The following KLHL12 variants were observed in gnomAD, a reference collection of about 807,000 sequenced individuals.
The protein encoded by KLHL12 is kelch-like protein 12.
KLHL12 carries 17 observed loss-of-function variants against 60.8 expected under a neutral mutation model. The ratio of observed to expected loss-of-function variants is 0.28; its 90% CI spans 0.19 to 0.42. KLHL12 has a LOEUF of 0.42. KLHL12 is among the 10% of genes least tolerant of loss of function. KLHL12 has a pLI of 1.00. For missense variants in KLHL12, 468 were observed against 722.3 expected (o/e 0.65, Z 4.04); for synonymous variants, 220 against 250.9 (o/e 0.88, Z 1.16).
At chr1:202,900,166 G>A (rs564097105) in intron 6 of KLHL12, among the ~76,000 whole-genome samples, 1 of 151,950 alleles carries the variant, frequency 6.6e-6, no homozygotes, top group African/African-American at 2.4e-5. Context: ...AAATTTTAAA[G>A]TTTTCTATTG....
intron 4 of KLHL12, 150 bp downstream of exon 4, chr1:202,918,021 A>G (rs1660574630): frequency 1.5e-6 from 1 of 648,660 alleles, no homozygotes; most frequent in Non-Finnish European, 2.7e-6. Context: ...TAAAAATGCA[A>G]ATAAATTTGG....
intron 4 of KLHL12, among the ~76,000 whole-genome samples, chr1:202,913,690 G>A (rs1660433320): frequency 6.6e-6 from 1 of 152,178 alleles, no homozygotes; most frequent in African/African-American, 2.4e-5. Flanking sequence ...AGGCAAGGAA[G>A]GCCTCCCGGA....
chr1:202,927,556 G>T (rs1243909222), upstream of KLHL12, among the ~76,000 whole-genome samples: 2 of 137,206 alleles, frequency 1.5e-5, no homozygotes, highest in African/African-American at 5.4e-5. Context: ...CCCGCACCGC[G>T]CCTGTAGTCC....
chr1:202,896,983 G>C (rs1482008139), intron 6 of KLHL12, 23 bp from the exon 7 acceptor site: 1 of 1,588,520 alleles, frequency 6.3e-7, no homozygotes, highest in Middle Eastern at 1.7e-4. Flanking sequence ...GCAGAAAAAA[G>C]ATGGGTTAGT....
chr1:202,899,081 G>A (rs1489439401), intron 6 of KLHL12, among the ~76,000 whole-genome samples: 2 of 151,676 alleles, frequency 1.3e-5, no homozygotes, highest in Non-Finnish European at 2.9e-5. Flanking sequence ...GGGAGGCCAA[G>A]GCTGGCAGAT....
intron 2 of KLHL12, among the ~76,000 whole-genome samples, chr1:202,921,322 A>C (rs2102456624): frequency 6.6e-6 from 1 of 152,058 alleles, no homozygotes; most frequent in Non-Finnish European, 1.5e-5. Context: ...CTACAGGCAC[A>C]TGCCACCATG....
At chr1:202,926,275 A>G (rs1218634347) in intron 1 of KLHL12, among the ~76,000 whole-genome samples, 2 of 152,236 alleles carry the variant, frequency 1.3e-5, no homozygotes, top group Non-Finnish European at 2.9e-5. Context: ...TAAAGAATCG[A>G]TATTGGAATC....
Position 202,892,221 on chromosome 1 carries a change from T to C in KLHL12, c.*312A>G, listed in dbSNP as rs1323633101. 2 of 300,618 alleles carry C rather than the reference T, an allele frequency of 6.7e-6. No homozygotes were observed. Among genetic ancestry groups the C allele is most frequent in the Non-Finnish European group, 1.3e-5 (2 of 157,034 alleles). 18.6% of individuals were successfully genotyped at this position (300,618 alleles called of 1,614,324 possible). Reference sequence around the variant, plus strand: ...CAACATATGAGGCACAACATACATATAGTACACCAAGCATGTGGTAAGTTA... The same window carrying C: ...CAACATATGAGGCACAACATACATACAGTACACCAAGCATGTGGTAAGTTA... On this transcript the variant is annotated 3_prime_UTR_variant, in exon 12 of 12. Transcript: ENST00000367261.
At chr1:202,896,748 C>G in intron 7 of KLHL12, 106 bp downstream of exon 7, 1 of 845,858 alleles carries the variant, frequency 1.2e-6, no homozygotes, top group Non-Finnish European at 2.0e-6. Flanking sequence ...AAGAAACATC[C>G]TGTTATTAGG....
chr1:202,901,058 G>T (rs1190621464), intron 6 of KLHL12, among the ~76,000 whole-genome samples: 1 of 151,884 alleles, frequency 6.6e-6, no homozygotes, highest in African/African-American at 2.4e-5. Context: ...ATAAAATAAA[G>T]AAAAAACCCC....
At chr1:202,917,830 A>T (rs1045683466) in intron 4 of KLHL12, among the ~76,000 whole-genome samples, 1 of 152,232 alleles carries the variant, frequency 6.6e-6, no homozygotes, top group Non-Finnish European at 1.5e-5. Context: ...GGCATAGTTA[A>T]GTGCTACATA....
At chr1:202,926,104 CA>C (rs368473168) in intron 1 of KLHL12, among the ~76,000 whole-genome samples, 2,813 of 59,514 alleles carry the variant, frequency 0.047, 51 homozygotes, top group African/African-American at 0.13. Flanking sequence ...GACTCTGTCT[CA>C]AAAAAAAAAA....
chr1:202,893,169 A>G lies in KLHL12; in HGVS notation c.1580+70T>C, dbSNP rs1659729894. 1 of 1,278,284 alleles carries G rather than the reference A, an allele frequency of 7.8e-7. No homozygotes were observed. The highest frequency in any genetic ancestry group is 1.5e-5 in the African/African-American group (1 of 65,674). 79.2% of individuals were successfully genotyped at this position (1,278,284 alleles called of 1,614,324 possible). ...ACCCAAGTCTTGTCTCTGTCCAAAA[A>G]TGAGGATCAGATCACATAGACTCTT... On this transcript the variant is annotated intron_variant, in intron 11 of 11. Coordinates refer to ENST00000367261, the MANE Select transcript of KLHL12 (RefSeq NM_021633.4). This position sits in a 1 kb window ranked among gnomAD's most constrained non-coding sequence, Gnocchi z 4.1.
chr1:202,908,569 G>GT (rs1236697054), intron 6 of KLHL12, among the ~76,000 whole-genome samples: 4 of 152,112 alleles, frequency 2.6e-5, no homozygotes, highest in Non-Finnish European at 5.9e-5. Flanking sequence ...CAAAACCCAT[G>GT]TACTTTCTAC....
chr1:202,924,702 A>G (rs1390900337), intron 2 of KLHL12, among the ~76,000 whole-genome samples: 1 of 152,234 alleles, frequency 6.6e-6, no homozygotes, highest in Non-Finnish European at 1.5e-5. Flanking sequence ...TACATATTAC[A>G]CTATTCTAAG....
Position 202,891,602 on chromosome 1 carries a change from T to C in KLHL12, c.*931A>G, listed in dbSNP as rs1659678042. 6.6e-6 allele frequency: 1 copy of C among 152,174 alleles called. No individual in the cohort carries two copies. The highest frequency in any genetic ancestry group is 2.4e-5 in the African/African-American group (1 of 41,432). 9.4% of individuals were successfully genotyped at this position (152,174 alleles called of 1,614,324 possible). On this transcript the variant is annotated 3_prime_UTR_variant, in exon 12 of 12. Coordinates refer to ENST00000367261, the MANE Select transcript of KLHL12 (RefSeq NM_021633.4). ...AGTGTAATAGTGTAGTAGTATTTGA[T>C]CCAACAAAGAAAGGCTTTCACCCCC... is the stretch of plus-strand genomic sequence containing the variant.
intron 6 of KLHL12, among the ~76,000 whole-genome samples, chr1:202,908,058 T>C (rs529406607): frequency 5.3e-5 from 8 of 152,268 alleles, no homozygotes; most frequent in Admixed American, 1.3e-4. Flanking sequence ...CCCATACATA[T>C]AGAGTAATTC....
At chr1:202,911,951 T>G (rs150758735) in intron 4 of KLHL12, 1 of 817,132 alleles carries the variant, frequency 1.2e-6, no homozygotes, top group East Asian at 2.4e-5. Flanking sequence ...TGTGTGGTAA[T>G]GAGAGACCCA....
chr1:202,916,975 G>GA (rs111461718), intron 4 of KLHL12, among the ~76,000 whole-genome samples: 78,162 of 141,106 alleles, frequency 0.55, 21,623 homozygotes, highest in Non-Finnish European at 0.62. Flanking sequence ...CATCTCAGAA[G>GA]AAAAAAAAAA....
Sources: gnomAD v4.1 joint callset for allele counts (sites outside exome capture counted in the v4.1 genomes callset) on GRCh38, gnomAD v4.1.1 for gene constraint, Gnocchi (gnomAD v3.1) non-coding constraint, MANE v1.5 for transcripts, NCBI Gene and HGNC (gene_info 2026-07-23, HGNC 2026-07-21) for gene names.